The following NOS1 variants were observed in gnomAD, a reference collection of about 807,000 sequenced individuals.
NOS1 encodes the protein NOS type I.
In NOS1, 51 loss-of-function variants were observed where a neutral mutation model predicts 164.5. The ratio of observed to expected loss-of-function variants is 0.31; its 90% CI spans 0.25 to 0.39. NOS1 has a LOEUF of 0.39. Ranked by LOEUF, NOS1 falls within the 10% of genes least tolerant of loss-of-function variation. NOS1 has a pLI of 1.00. For missense variants in NOS1, 1,362 were observed against 1,885.6 expected, an observed-to-expected ratio of 0.72 and a Z score of 5.14; for synonymous variants, 719 against 745.8, an observed-to-expected ratio of 0.96 and a Z score of 0.59.
At chr12:117,229,562 T>TTCTATCTATCTAACTA (rs1555248789) in intron 22 of NOS1, among the ~76,000 whole-genome samples, 2 of 149,284 alleles carry the variant, frequency 1.3e-5, no homozygotes, top group African/African-American at 5.0e-5. Context: ...TATCAAATTC[T>TTCTATCTATCTAACTA]TCTATCTATC....
At chr12:117,279,883 T>C (rs1179416609) in intron 8 of NOS1, among the ~76,000 whole-genome samples, 4 of 152,158 alleles carry the variant, frequency 2.6e-5, no homozygotes, top group African/African-American at 9.7e-5. Context: ...GCAAATGAAG[T>C]CGGCAGCCAG....
chr12:117,223,040 C>A (rs9658520), intron 25 of NOS1, among the ~76,000 whole-genome samples, 177 bp from the exon 26 acceptor site: 2 of 152,144 alleles, frequency 1.3e-5, no homozygotes, highest in Admixed American at 1.3e-4. Flanking sequence ...CTCACATGCA[C>A]GCACATGCAC....
intron 1 of NOS1, among the ~76,000 whole-genome samples, chr12:117,360,310 G>A (rs886177736): frequency 1.6e-4 from 25 of 152,114 alleles, no homozygotes; most frequent in African/African-American, 5.5e-4. Context: ...TCCCGAGAGA[G>A]CCCCTTCCGG....
At chr12:117,230,877 C>A (rs950201079) in intron 22 of NOS1, among the ~76,000 whole-genome samples, 1 of 152,042 alleles carries the variant, frequency 6.6e-6, no homozygotes, top group Non-Finnish European at 1.5e-5. Context: ...AAATTTTGCA[C>A]GTTCTCATTC....
chr12:117,361,464 G>A (rs1877153011), intron 1 of NOS1, 48 bp downstream of exon 1: 1 of 151,152 alleles, frequency 6.6e-6, no homozygotes, highest in Non-Finnish European at 1.5e-5. Flanking sequence ...GGAGGCTGCG[G>A]GCTTCCCCGG....
chr12:117,246,336 A>G lies in NOS1; in HGVS notation c.2823+1012T>C, dbSNP rs9658467. 9.9e-5 allele frequency among the ~76,000 whole-genome samples: 15 copies of G among 152,220 alleles called. No individual in the cohort carries two copies. The South Asian group carries it at 3.1e-3, about 32-fold the overall frequency. ...TTTTTTAAGCAGATGAGGTCTCACT[A>G]TGTTGCCCAGGCTGGTCTTGAGCTC... On this transcript the variant is annotated intron_variant, in intron 18 of 28. Transcript: ENST00000317775.
chr12:117,295,443 T>C (rs548461239), intron 3 of NOS1, among the ~76,000 whole-genome samples: 37 of 152,276 alleles, frequency 2.4e-4, no homozygotes, highest in Admixed American at 1.4e-3. Flanking sequence ...CAGAGCTGGC[T>C]AGTATTTTGA....
At chr12:117,226,627 T>C in intron 24 of NOS1, 56 bp downstream of exon 24, 6 of 1,530,172 alleles carry the variant, frequency 3.9e-6, no homozygotes, top group Non-Finnish European at 5.4e-6. Flanking sequence ...CCCCAACTTG[T>C]GACGTCAATA....
intron 4 of NOS1, among the ~76,000 whole-genome samples, chr12:117,289,036 A>C (rs1418938972): frequency 3.9e-5 from 6 of 152,228 alleles, no homozygotes; most frequent in Non-Finnish European, 7.3e-5. Flanking sequence ...TAGTTTTAAT[A>C]GTTGTTTTCA....
chr12:117,219,388 A>G (rs945058011), intron 27 of NOS1, among the ~76,000 whole-genome samples: 6 of 144,986 alleles, frequency 4.1e-5, no homozygotes, highest in African/African-American at 1.5e-4. Flanking sequence ...CTCACTGCAA[A>G]CTCCACCTCC....
At chr12:117,315,675 C>T (rs141331384) in intron 2 of NOS1, among the ~76,000 whole-genome samples, 279 of 152,280 alleles carry the variant, frequency 1.8e-3, no homozygotes, top group African/African-American at 6.3e-3. Flanking sequence ...AGCAGTGTAG[C>T]ATGCTGGTTA....
chr12:117,292,821 G>C (rs1204435366), intron 3 of NOS1, among the ~76,000 whole-genome samples: 5 of 152,200 alleles, frequency 3.3e-5, no homozygotes, highest in African/African-American at 7.2e-5. Flanking sequence ...ATAGTGACAA[G>C]CTAGATGGAT....
At chr12:117,247,648 G>A (rs986241442) in intron 17 of NOS1, 126 bp from the exon 18 acceptor site, 2 of 805,514 alleles carry the variant, frequency 2.5e-6, no homozygotes, top group East Asian at 3.0e-5. Context: ...CCTCACAATT[G>A]TATTTTGAGA....
At chr12:117,248,570 C>T (rs1870839513) in intron 17 of NOS1, among the ~76,000 whole-genome samples, 1 of 151,148 alleles carries the variant, frequency 6.6e-6, no homozygotes, top group East Asian at 1.9e-4. Flanking sequence ...TGTATATGTG[C>T]CACATTTTCT....
intron 9 of NOS1, among the ~76,000 whole-genome samples, chr12:117,276,503 G>A (rs1329498957): frequency 4.6e-5 from 7 of 152,096 alleles, no homozygotes; most frequent in Non-Finnish European, 1.0e-4. Context: ...GGCTGGCCTT[G>A]AACTCTTGAC....
intron 13 of NOS1, among the ~76,000 whole-genome samples, chr12:117,263,639 AACACACC>A (rs1163247917): frequency 6.6e-6 from 1 of 151,150 alleles, no homozygotes; most frequent in East Asian, 1.9e-4. Flanking sequence ...CTGGTTCACC[AACACACC>A]ATTGCCCCCA....
intron 3 of NOS1, among the ~76,000 whole-genome samples, chr12:117,297,159 A>G (rs1873470658): frequency 6.6e-6 from 1 of 152,200 alleles, no homozygotes; most frequent in Non-Finnish European, 1.5e-5. Context: ...GGATTTTAGG[A>G]AAGACATGAT....
In NOS1 at chr12:117,210,673, T is replaced by A. The variant is rs1956513323; in HGVS notation, c.*4636A>T. ...TGAGCTAGGTCAGGACACCTCTCAC[T>A]TGTTTTGAGCTTAGGGCAAGACCTG... On this transcript the variant is annotated 3_prime_UTR_variant, in exon 29 of 29. Coordinates refer to ENST00000317775, the MANE Select transcript of NOS1 (RefSeq NM_000620.5). The A allele has an allele frequency of 1.0e-6, 1 of 985,444 alleles. No individual in the cohort carries two copies. Among genetic ancestry groups the A allele is most frequent in the African/African-American group, 1.7e-5 (1 of 57,348 alleles). 61.0% of individuals were successfully genotyped at this position (985,444 alleles called of 1,614,324 possible). A position where few individuals can be genotyped will look rare whatever the true frequency, so the allele number is the denominator to read the frequency against.
chr12:117,305,613 C>G (rs576875662), intron 3 of NOS1, among the ~76,000 whole-genome samples: 17 of 152,056 alleles, frequency 1.1e-4, no homozygotes, highest in Admixed American at 2.0e-4. Flanking sequence ...ATTTCTGAAG[C>G]CTGTGCCTAT....
Sources: gnomAD v4.1 joint callset for allele counts (sites outside exome capture counted in the v4.1 genomes callset) on GRCh38, gnomAD v4.1.1 for gene constraint, MANE v1.5 for transcripts, NCBI Gene and HGNC (gene_info 2026-07-23, HGNC 2026-07-21) for gene names.